The following DOCK3 variants were observed in gnomAD, a reference collection of about 807,000 sequenced individuals.
DOCK3 encodes the protein dedicator of cytokinesis protein 3.
A neutral mutation model predicts 265.6 loss-of-function variants in DOCK3; 60 were observed. The ratio of observed to expected loss-of-function variants is 0.23; its 90% confidence interval spans 0.18 to 0.28. DOCK3 has a LOEUF of 0.28. Ranked by LOEUF, DOCK3 falls within the 10% of genes least tolerant of loss-of-function variation. DOCK3 has a pLI of 1.00. For synonymous variants in DOCK3, 881 were observed against 938.0 expected (o/e 0.94, Z 1.11); for missense variants, 1,981 against 2,594.3 (o/e 0.76, Z 5.14).
At chr3:50,852,864 T>A (rs2046406285) in intron 3 of DOCK3, among the ~76,000 whole-genome samples, 1 of 152,230 alleles carries the variant, frequency 6.6e-6, no homozygotes, top group Admixed American at 6.5e-5. Context: ...TACATCAATT[T>A]ATTGTCTCCT....
chr3:50,748,307 C>T (rs2039581488), intron 1 of DOCK3, among the ~76,000 whole-genome samples: 1 of 152,074 alleles, frequency 6.6e-6, no homozygotes, highest in South Asian at 2.1e-4. Flanking sequence ...GTGCCTGGCC[C>T]TGTGGTTTCT....
intron 9 of DOCK3, among the ~76,000 whole-genome samples, chr3:51,103,177 AT>A (rs2083150212): frequency 6.6e-6 from 1 of 152,198 alleles, no homozygotes; most frequent in Admixed American, 6.5e-5. Flanking sequence ...GAAAATATAA[AT>A]ATTTCAGCAC....
chr3:50,697,424 T>C (rs2035702780), intron 1 of DOCK3, among the ~76,000 whole-genome samples: 1 of 151,838 alleles, frequency 6.6e-6, no homozygotes, highest in South Asian at 2.1e-4. Flanking sequence ...ACCCCGTCTT[T>C]ACTAAAAATA....
chr3:51,317,713 G>A (rs1233382723), intron 32 of DOCK3, among the ~76,000 whole-genome samples: 5 of 151,300 alleles, frequency 3.3e-5, no homozygotes, highest in African/African-American at 1.2e-4. Flanking sequence ...TAATTAGCTT[G>A]ATTTAATCAT....
At position 51,089,422 on chromosome 3, in the gene DOCK3, C is replaced by A. The variant is rs936463489; in HGVS notation, c.591+138C>A. On this transcript the variant is annotated intron_variant, in intron 8 of 52. Coordinates refer to ENST00000266037, the MANE Select transcript of DOCK3 (RefSeq NM_004947.5). ...GGTGTCTTTATCTGAGGAGCTTTGACCTCTAAACAGTTTTGGCCAGACTCT... is the reference window on the plus strand; with the variant it reads ...GGTGTCTTTATCTGAGGAGCTTTGAACTCTAAACAGTTTTGGCCAGACTCT... 9 of 1,059,378 alleles carry A rather than the reference C, an allele frequency of 8.5e-6. No individual in the cohort carries two copies. The African/African-American group carries it at 1.3e-4, about 15-fold the overall frequency. 65.6% of individuals were successfully genotyped at this position (1,059,378 alleles called of 1,614,324 possible). A position where few individuals can be genotyped will look rare whatever the true frequency, so the allele number is the denominator to read the frequency against.
chr3:51,112,631 G>T (rs570355702), intron 9 of DOCK3, among the ~76,000 whole-genome samples: 1 of 152,288 alleles, frequency 6.6e-6, no homozygotes, highest in Admixed American at 6.5e-5. Flanking sequence ...AAGATAAAAG[G>T]ACACATTCAA....
chr3:50,843,628 A>G (rs1031425124), intron 3 of DOCK3, among the ~76,000 whole-genome samples: 5 of 152,170 alleles, frequency 3.3e-5, no homozygotes, highest in Admixed American at 6.5e-5. Context: ...ACACTACTCT[A>G]AAGAATGTTA....
chr3:51,140,256 T>C (rs999883670), intron 9 of DOCK3, among the ~76,000 whole-genome samples: 8 of 152,142 alleles, frequency 5.3e-5, no homozygotes, highest in African/African-American at 1.9e-4. Context: ...AGTCACTCCA[T>C]TTCCTCCAGA....
intron 35 of DOCK3, among the ~76,000 whole-genome samples, chr3:51,333,583 T>G (rs1354780466): frequency 6.6e-6 from 1 of 152,164 alleles, no homozygotes; most frequent in African/African-American, 2.4e-5. Context: ...AGAGTAAAGC[T>G]GTCTCCAGAG....
rs1277397921 is a variant in DOCK3 at position 51,111,740 on chromosome 3, A to G, written c.746+21356A>G. Among the ~76,000 whole-genome samples the G allele has an allele frequency of 2.6e-5, 4 of 152,214 alleles. No individual in the cohort carries two copies. In the South Asian group the frequency reaches 6.2e-4, roughly 24 times the overall value. On this transcript the variant is annotated intron_variant, in intron 9 of 52. Coordinates refer to ENST00000266037, the MANE Select transcript of DOCK3 (RefSeq NM_004947.5). The stretch of plus-strand genomic sequence containing the variant: ...TGGGATCTATTTAAAGAGCTTCTGC[A>G]TGGGAAAAGAAACTATCAACAGAGT...
intron 21 of DOCK3, 145 bp from the exon 22 acceptor site, chr3:51,246,581 G>A: frequency 1.4e-6 from 1 of 715,546 alleles, no homozygotes. Context: ...GACCTGAATA[G>A]TCCAAAGCTG....
At chr3:51,149,987 G>T (rs6797368) in intron 10 of DOCK3, among the ~76,000 whole-genome samples, 138,772 of 152,204 alleles carry the variant, frequency 0.91, 63,408 homozygotes, top group African/African-American at 0.95. Context: ...TTTTGGTTGG[G>T]AGGCAATTAA....
At chr3:51,188,511 A>C (rs1285655455) in intron 12 of DOCK3, among the ~76,000 whole-genome samples, 1 of 152,108 alleles carries the variant, frequency 6.6e-6, no homozygotes, top group Non-Finnish European at 1.5e-5. Flanking sequence ...AATCTACTCA[A>C]CTCTCAAACA....
At chr3:50,900,311 GTTTT>G (rs966102757) in intron 4 of DOCK3, among the ~76,000 whole-genome samples, 1 of 152,136 alleles carries the variant, frequency 6.6e-6, no homozygotes, top group African/African-American at 2.4e-5. Flanking sequence ...CTTGTGCTGT[GTTTT>G]TTAGTTCCAT....
intron 7 of DOCK3, among the ~76,000 whole-genome samples, chr3:51,075,697 C>T (rs757276496): frequency 5.9e-5 from 9 of 152,192 alleles, no homozygotes; most frequent in Non-Finnish European, 1.2e-4. Context: ...ACCAGAGCTC[C>T]TTCAGCCTGC....
At chr3:51,313,444 C>G (rs2083205305) in intron 31 of DOCK3, among the ~76,000 whole-genome samples, 3 of 152,252 alleles carry the variant, frequency 2.0e-5, no homozygotes, top group Non-Finnish European at 4.4e-5. Flanking sequence ...GGCTTCCCTT[C>G]TTTGCACAGC....
intron 35 of DOCK3, among the ~76,000 whole-genome samples, chr3:51,335,765 G>A (rs370687086): frequency 2.5e-4 from 38 of 152,198 alleles, no homozygotes; most frequent in African/African-American, 8.7e-4. Context: ...ACCAAGGCAG[G>A]CAAATTGCTT....
Position 51,374,335 on chromosome 3 carries a change from G to T in DOCK3, c.5294-134G>T. ...AACCAGACTCTGCTTCATTCCTCCTGTGCTTGCTGAGTTCATCCTCACCCT... is the reference window on the plus strand; with the variant it reads ...AACCAGACTCTGCTTCATTCCTCCTTTGCTTGCTGAGTTCATCCTCACCCT... On this transcript the variant is annotated intron_variant, in intron 49 of 52. Coordinates refer to ENST00000266037, the MANE Select transcript of DOCK3 (RefSeq NM_004947.5). The surrounding 1 kb of genome is among the most constrained non-coding windows in gnomAD (Gnocchi z 4.8). 1.3e-6 allele frequency: 1 copy of T among 760,594 alleles called. No homozygotes were observed. The highest frequency in any genetic ancestry group is 2.2e-6 in the Non-Finnish European group (1 of 451,288). The allele number at this position is 760,594 out of a possible 1,614,324, so 47.1% of individuals were successfully genotyped here.
intron 12 of DOCK3, among the ~76,000 whole-genome samples, chr3:51,174,333 G>A (rs2086834204): frequency 6.6e-6 from 1 of 152,136 alleles, no homozygotes; most frequent in Admixed American, 6.5e-5. Context: ...GCCAGGTGTG[G>A]TGGTTTGTGC....
Sources: gnomAD v4.1 joint callset for allele counts (sites outside exome capture counted in the v4.1 genomes callset) on GRCh38, gnomAD v4.1.1 for gene constraint, Gnocchi (gnomAD v3.1) non-coding constraint, MANE v1.5 for transcripts, NCBI Gene and HGNC (gene_info 2026-07-23, HGNC 2026-07-21) for gene names.